The following DIDO1 variants were observed in gnomAD, a reference collection of about 807,000 sequenced individuals.
DIDO1 encodes the protein death inducer-obliterator 1.
In DIDO1, 16 loss-of-function variants were observed where a neutral mutation model predicts 99.4. The ratio of observed to expected loss-of-function variants is 0.16; its 90% CI spans 0.11 to 0.24. The LOEUF is 0.24. Among genes scored for constraint, DIDO1 ranks in the 10% least tolerant of loss-of-function variants. DIDO1 has a pLI of 1.00. For synonymous variants in DIDO1, 1,366 were observed against 1,239.1 expected (o/e 1.10, Z -2.15); for missense variants, 2,996 against 3,014.0 (o/e 0.99, Z 0.14).
chr20:62,894,201 A>G lies in DIDO1; in HGVS notation c.2573-7T>C, dbSNP rs1315354566. 6.2e-6 allele frequency: 10 copies of G among 1,607,682 alleles called. No homozygotes were observed. The highest frequency in any genetic ancestry group is 4.5e-5 in the East Asian group (2 of 44,704). The stretch of plus-strand genomic sequence containing the variant: ...TCTGCGGAGGGAACCTGGCCTGAAG[A>G]AGGCGAGGAAAGGCTCTGTGAGAAA... On this transcript the variant is annotated splice_polypyrimidine_tract_variant and splice_region_variant and intron_variant, in intron 11 of 15. Coordinates refer to ENST00000395343, the MANE Select transcript of DIDO1 (RefSeq NM_001193369.2). This position sits in a 1 kb window ranked among gnomAD's most constrained non-coding sequence, Gnocchi z 4.4.
At chr20:62,921,313 G>C (rs2065132434) in intron 1 of DIDO1, among the ~76,000 whole-genome samples, 1 of 152,224 alleles carries the variant, frequency 6.6e-6, no homozygotes, top group Admixed American at 6.5e-5. Context: ...CTGCTTTTTA[G>C]GAGTGTAAAG....
At chr20:62,882,597 C>T in intron 15 of DIDO1, among the ~76,000 whole-genome samples, 183 bp from the exon 16 acceptor site, 1 of 152,130 alleles carries the variant, frequency 6.6e-6, no homozygotes, top group East Asian at 1.9e-4. Flanking sequence ...CCCAGGAACG[C>T]ACCGCCCCGG....
At chr20:62,895,559 C>A (rs2064500641) in intron 8 of DIDO1, among the ~76,000 whole-genome samples, 1 of 152,214 alleles carries the variant, frequency 6.6e-6, no homozygotes, top group African/African-American at 2.4e-5. Context: ...AGGAAGAAAT[C>A]ATTTCTGTTT....
chr20:62,889,495 A>G (rs1190960466), intron 15 of DIDO1: 3 of 985,470 alleles, frequency 3.0e-6, no homozygotes, highest in Non-Finnish European at 3.6e-6. Context: ...GTTTCTGTAA[A>G]GAAAAAGTGC....
At chr20:62,882,499 G>A (rs1273245717) in intron 15 of DIDO1, 85 bp from the exon 16 acceptor site, 18 of 1,311,898 alleles carry the variant, frequency 1.4e-5, no homozygotes, top group Non-Finnish European at 1.7e-5. Context: ...GGGCTTTCAC[G>A]GGGAACGTTT....
Position 62,880,260 on chromosome 20 carries a change from T to C in DIDO1, c.5696A>G (p.Gln1899Arg). 1.2e-6 allele frequency: 2 copies of C among 1,612,636 alleles called. No homozygotes were observed. The highest frequency in any genetic ancestry group is 1.7e-6 in the Non-Finnish European group (2 of 1,179,880). ...GGGGCCGCCTCGGGGGCCTTTCAGC[T>C]GAGACAGCAGTGGCCTTCTCTGGCC... ...FGGQRRPLLS[Q>R]LKGPRGGPPP... Residue 1899 changes from glutamine (Q) to arginine (R), a missense_variant, in exon 16 of 16, where the codon CAG becomes CGG. By Grantham distance (43) the Gln-to-Arg change is conservative. Coordinates refer to ENST00000395343, the MANE Select transcript of DIDO1 (RefSeq NM_001193369.2).
chr20:62,897,482 A>G (rs62200093), intron 6 of DIDO1, among the ~76,000 whole-genome samples: 3,871 of 152,334 alleles, frequency 0.025, 52 homozygotes, highest in African/African-American at 0.031. Flanking sequence ...TTGTCCTTCC[A>G]GACTGGAGTC....
chr20:62,900,989 C>T (rs1447762860), intron 6 of DIDO1, among the ~76,000 whole-genome samples: 1 of 152,272 alleles, frequency 6.6e-6, no homozygotes, highest in African/African-American at 2.4e-5. Flanking sequence ...TGTTTCTTCA[C>T]TCCAAGATTG....
intron 2 of DIDO1, among the ~76,000 whole-genome samples, chr20:62,912,920 T>G (rs1476623168): frequency 2.6e-5 from 4 of 152,056 alleles, no homozygotes; most frequent in African/African-American, 9.7e-5. Flanking sequence ...TAATCCCAGA[T>G]ACTTGGGAGG....
chr20:62,936,630 C>G (rs900509667), intron 1 of DIDO1, among the ~76,000 whole-genome samples: 1 of 152,144 alleles, frequency 6.6e-6, no homozygotes, highest in Non-Finnish European at 1.5e-5. Flanking sequence ...CTTTGGGAGT[C>G]CGAGGCGGGC....
At chr20:62,929,753 GT>G (rs1157347802), upstream of DIDO1, among the ~76,000 whole-genome samples, 5 of 97,528 alleles carry the variant, frequency 5.1e-5, no homozygotes, top group East Asian at 1.8e-3. Flanking sequence ...TTCAGCCACT[GT>G]TTTGTTTTTT....
At chr20:62,909,228 C>T (rs2064871849) in intron 4 of DIDO1, among the ~76,000 whole-genome samples, 1 of 152,248 alleles carries the variant, frequency 6.6e-6, no homozygotes. Context: ...AGACTGCAAA[C>T]ACAAGACAGC....
At chr20:62,920,202 T>G (rs150723191) in intron 1 of DIDO1, among the ~76,000 whole-genome samples, 1 of 152,050 alleles carries the variant, frequency 6.6e-6, no homozygotes, top group Non-Finnish European at 1.5e-5. Context: ...ACCATGTGAG[T>G]GGGGTGCGCT....
intron 13 of DIDO1, 28 bp downstream of exon 13, chr20:62,892,781 C>G (rs2294998): frequency 1.3e-6 from 2 of 1,596,580 alleles, no homozygotes; most frequent in Non-Finnish European, 1.7e-6. Context: ...AAGACACACA[C>G]ACGCACACAC....
At chr20:62,910,111 A>C in intron 3 of DIDO1, 91 bp from the exon 4 acceptor site, 1 of 1,331,040 alleles carries the variant, frequency 7.5e-7, no homozygotes, top group Admixed American at 2.4e-5. Context: ...TAACTTCATG[A>C]AAAAATGCAA....
At chr20:62,885,476 AAAT>A (rs1174816074) in intron 15 of DIDO1, among the ~76,000 whole-genome samples, 2 of 152,314 alleles carry the variant, frequency 1.3e-5, no homozygotes, top group African/African-American at 2.4e-5. Flanking sequence ...TTAATGAAAA[AAAT>A]AATTAGTATA....
chr20:62,921,564 G>C (rs1016877259), intron 1 of DIDO1, among the ~76,000 whole-genome samples: 2 of 152,058 alleles, frequency 1.3e-5, no homozygotes, highest in South Asian at 2.1e-4. Flanking sequence ...CAGGTGGAGA[G>C]AATGGGGTTT....
Position 62,911,419 on chromosome 20 carries a change from C to T in DIDO1, c.194G>A (p.Gly65Glu). 1 of 1,611,300 alleles carries T rather than the reference C, an allele frequency of 6.2e-7. No individual in the cohort carries two copies. The highest frequency in any genetic ancestry group is 8.5e-7 in the Non-Finnish European group (1 of 1,178,490). ...QQLGLSLRRS[G>E]RQPKRTERVE... is the part of the protein sequence containing the mutation. ...GCGCTCAGTGCGCTTGGGCTGCCTC[C>T]CACTGCGCCGCAGGGACAGGCCCAG... is the stretch of plus-strand genomic sequence containing the variant. The change falls in exon 3 of 16, where the codon GGG becomes GAG. Residue 65 changes from glycine (G) to glutamate (E), a missense_variant. Gly to Glu is a moderately conservative substitution (Grantham distance 98, BLOSUM62 -2). Coordinates refer to ENST00000395343, the MANE Select transcript of DIDO1 (RefSeq NM_001193369.2). The surrounding 1 kb of genome is among the most constrained non-coding windows in gnomAD (Gnocchi z 7.0).
intron 4 of DIDO1, among the ~76,000 whole-genome samples, chr20:62,908,026 C>A (rs947507777): frequency 6.6e-6 from 1 of 152,120 alleles, no homozygotes; most frequent in Non-Finnish European, 1.5e-5. Context: ...GTTGCCCAGG[C>A]CGGAGAGCAG....
Sources: gnomAD v4.1 joint callset for allele counts (sites outside exome capture counted in the v4.1 genomes callset) on GRCh38, gnomAD v4.1.1 for gene constraint, Gnocchi (gnomAD v3.1) non-coding constraint, MANE v1.5 for transcripts, NCBI Gene and HGNC (gene_info 2026-07-23, HGNC 2026-07-21) for gene names.